The following MB21D2 variants were observed in gnomAD, a reference collection of about 807,000 sequenced individuals.
The protein encoded by MB21D2 is Mab-21 domain containing 2, also known as nucleotidyltransferase MB21D2.
In MB21D2, 9 loss-of-function variants were observed where a neutral mutation model predicts 33.3. That is an observed-to-expected ratio of 0.27 (90% CI 0.16 to 0.47). MB21D2 has a LOEUF of 0.47. Ranked by LOEUF, MB21D2 falls within the 20% of genes least tolerant of loss-of-function variation. The probability of loss-of-function intolerance (pLI) is 0.99; values close to 1 mark genes in which losing one functional copy is unlikely to be tolerated. For synonymous variants in MB21D2, 241 were observed against 236.3 expected (o/e 1.02, Z -0.18); for missense variants, 540 against 624.6 (o/e 0.86, Z 1.44).
chr3:192,888,371 C>CTTCTTATATCTTGGAA (rs1713778573), intron 1 of MB21D2, among the ~76,000 whole-genome samples: 1 of 152,068 alleles, frequency 6.6e-6, no homozygotes, highest in Non-Finnish European at 1.5e-5. Context: ...GAAGGTTAAA[C>CTTCTTATATCTTGGAA]GCAGTATATC....
At chr3:192,873,960 A>G (rs1236976598) in intron 1 of MB21D2, among the ~76,000 whole-genome samples, 5 of 152,194 alleles carry the variant, frequency 3.3e-5, no homozygotes, top group African/African-American at 1.2e-4. Flanking sequence ...TTGGCCGACC[A>G]AAGTGCTGGG....
chr3:192,833,314 C>A (rs1712362358), intron 1 of MB21D2, among the ~76,000 whole-genome samples: 1 of 152,224 alleles, frequency 6.6e-6, no homozygotes, highest in Admixed American at 6.5e-5. Flanking sequence ...TTTAGCGCAG[C>A]TCCTCAAAAG....
intron 1 of MB21D2, among the ~76,000 whole-genome samples, chr3:192,904,354 G>A (rs939631973): frequency 1.3e-5 from 2 of 152,164 alleles, no homozygotes; most frequent in African/African-American, 4.8e-5. Flanking sequence ...AAAGTATTCA[G>A]ATCAGAGGCG....
intron 1 of MB21D2, among the ~76,000 whole-genome samples, chr3:192,873,015 C>CA (rs1713344853): frequency 1.1e-5 from 1 of 92,714 alleles, no homozygotes; most frequent in Non-Finnish European, 2.0e-5. Flanking sequence ...AGACACCCCC[C>CA]CCCACCAAGC....
At chr3:192,886,029 C>T (rs1275255810) in intron 1 of MB21D2, among the ~76,000 whole-genome samples, 5 of 152,050 alleles carry the variant, frequency 3.3e-5, no homozygotes, top group Non-Finnish European at 7.3e-5. Flanking sequence ...GGCGCGATCT[C>T]GGCTGACTGC....
chr3:192,866,056 A>T (rs574237547), intron 1 of MB21D2, among the ~76,000 whole-genome samples: 1 of 152,164 alleles, frequency 6.6e-6, no homozygotes, highest in Non-Finnish European at 1.5e-5. Context: ...TAAAAAAATA[A>T]ATAAATAAAA....
At chr3:192,833,163 C>T (rs1209533172) in intron 1 of MB21D2, among the ~76,000 whole-genome samples, 2 of 152,046 alleles carry the variant, frequency 1.3e-5, no homozygotes, top group Non-Finnish European at 2.9e-5. Flanking sequence ...GCAATTCTTC[C>T]TTCAGTTGCT....
chr3:192,880,885 G>A (rs1357288707), intron 1 of MB21D2, among the ~76,000 whole-genome samples: 1 of 152,100 alleles, frequency 6.6e-6, no homozygotes, highest in Non-Finnish European at 1.5e-5. Flanking sequence ...TAGTGCTTAA[G>A]ATGACAATCA....
intron 1 of MB21D2, among the ~76,000 whole-genome samples, chr3:192,884,780 C>A (rs189030946): frequency 6.6e-6 from 1 of 152,082 alleles, no homozygotes; most frequent in Non-Finnish European, 1.5e-5. Context: ...CCCCTTTCCA[C>A]GCCTGCCTTC....
At chr3:192,875,907 A>T (rs985708665) in intron 1 of MB21D2, among the ~76,000 whole-genome samples, 1 of 152,166 alleles carries the variant, frequency 6.6e-6, no homozygotes, top group East Asian at 1.9e-4. Flanking sequence ...TTTAGAGGTT[A>T]CTAAACCAAC....
chr3:192,850,164 C>T (rs1247838456), intron 1 of MB21D2, among the ~76,000 whole-genome samples: 3 of 151,942 alleles, frequency 2.0e-5, no homozygotes, highest in Non-Finnish European at 4.4e-5. Context: ...ATGATCCACC[C>T]GCCTCGGCCT....
At chr3:192,803,210 G>C (rs900681309) in intron 1 of MB21D2, among the ~76,000 whole-genome samples, 1 of 152,190 alleles carries the variant, frequency 6.6e-6, no homozygotes, top group Non-Finnish European at 1.5e-5. Flanking sequence ...ATACACACTA[G>C]AAAATTCCTG....
chr3:192,909,216 A>G (rs1360544265), intron 1 of MB21D2, among the ~76,000 whole-genome samples: 6 of 151,794 alleles, frequency 4.0e-5, no homozygotes, highest in African/African-American at 1.5e-4. Context: ...AGATCGCACC[A>G]CTGCACTCCA....
At chr3:192,881,830 G>A (rs1003363952) in intron 1 of MB21D2, among the ~76,000 whole-genome samples, 6 of 152,092 alleles carry the variant, frequency 3.9e-5, no homozygotes, top group East Asian at 1.9e-4. Context: ...AAAACGAAGC[G>A]GCATCAATGT....
intron 1 of MB21D2, among the ~76,000 whole-genome samples, chr3:192,871,121 A>G (rs768839623): frequency 1.3e-5 from 2 of 152,182 alleles, no homozygotes; most frequent in Non-Finnish European, 2.9e-5. Flanking sequence ...GCTTCAACTC[A>G]CACGGAACAT....
chr3:192,805,762 C>A (rs1176889150), intron 1 of MB21D2, among the ~76,000 whole-genome samples: 1 of 152,132 alleles, frequency 6.6e-6, no homozygotes, highest in Non-Finnish European at 1.5e-5. Flanking sequence ...AGTAAGTAAA[C>A]GCATATAAAA....
chr3:192,809,247 C>T lies in MB21D2; in HGVS notation c.212-9597G>A, dbSNP rs150964975. Among the ~76,000 whole-genome samples, 484 of 152,294 alleles carry T rather than the reference C, an allele frequency of 3.2e-3. 4 individuals carry two copies. Among genetic ancestry groups the T allele is most frequent in the African/African-American group, 0.011 (469 of 41,542 alleles). On this transcript the variant is annotated intron_variant, in intron 1 of 1. Transcript: ENST00000392452. Reference sequence around the variant, plus strand: ...AGTAGCTGGAACTACAGGCACGCATCACCACATCTGGCTAATTTTTGTATT... The same window carrying T: ...AGTAGCTGGAACTACAGGCACGCATTACCACATCTGGCTAATTTTTGTATT...
intron 1 of MB21D2, among the ~76,000 whole-genome samples, chr3:192,853,018 A>ATCTCTC (rs982907193): frequency 7.5e-6 from 1 of 132,668 alleles, no homozygotes; most frequent in African/African-American, 2.8e-5. Context: ...GTTTTCAGTT[A>ATCTCTC]TCTCTCTCTG....
At chr3:192,878,176 T>C (rs1480604002) in intron 1 of MB21D2, among the ~76,000 whole-genome samples, 2 of 146,166 alleles carry the variant, frequency 1.4e-5, no homozygotes, top group South Asian at 4.2e-4. Context: ...CTCGGCTCAC[T>C]GCAAGCTCCG....
Sources: gnomAD v4.1 joint callset for allele counts (sites outside exome capture counted in the v4.1 genomes callset) on GRCh38, gnomAD v4.1.1 for gene constraint, MANE v1.5 for transcripts, NCBI Gene and HGNC (gene_info 2026-07-23, HGNC 2026-07-21) for gene names.